Variants in RBFOX1 observed in about 807,000 individuals in gnomAD.
RBFOX1 encodes the protein RNA binding protein fox-1 homolog 1.
RBFOX1 carries 8 observed loss-of-function variants against 57.7 expected under a neutral mutation model. That is an observed-to-expected ratio of 0.14 (90% CI 0.08 to 0.25). The LOEUF (loss-of-function observed/expected upper bound fraction) is 0.25, where lower values mean the gene tolerates loss of function less well. Among genes scored for constraint, RBFOX1 ranks in the 10% least tolerant of loss-of-function variants. The pLI is 1.00. For missense variants in RBFOX1, 611 were observed against 548.5 expected (o/e 1.11, Z -1.14); for synonymous variants, 326 against 222.4 (o/e 1.47, Z -4.15).
At chr16:6,035,330 G>A (rs879450037) in intron 1 of RBFOX1, among the ~76,000 whole-genome samples, 8 of 152,206 alleles carry the variant, frequency 5.3e-5, no homozygotes, top group Non-Finnish European at 1.2e-4. Flanking sequence ...CACTCATTTA[G>A]TTCTTCCCCA....
intron 3 of RBFOX1, among the ~76,000 whole-genome samples, chr16:7,033,848 G>T (rs988112504): frequency 3.3e-5 from 5 of 151,930 alleles, no homozygotes; most frequent in Non-Finnish European, 7.4e-5. Flanking sequence ...ATCTGCCTGT[G>T]GGCCCAGCTA....
intron 1 of RBFOX1, among the ~76,000 whole-genome samples, chr16:6,026,543 G>A (rs934147486): frequency 6.6e-6 from 1 of 152,218 alleles, no homozygotes; most frequent in East Asian, 1.9e-4. Flanking sequence ...TACAAGGGAG[G>A]GTGGGAGGCA....
At chr16:5,616,966 A>G (rs2048046343) in intron 3 of RBFOX1, among the ~76,000 whole-genome samples, 2 of 145,002 alleles carry the variant, frequency 1.4e-5, no homozygotes, top group South Asian at 4.3e-4. Flanking sequence ...TATTGGCAGT[A>G]CCCTTATTTG....
chr16:6,230,330 A>G (rs1381521780), intron 1 of RBFOX1, among the ~76,000 whole-genome samples: 2 of 152,162 alleles, frequency 1.3e-5, no homozygotes, highest in South Asian at 2.1e-4. Flanking sequence ...CAATGTTGTT[A>G]TAATTATAAG....
At chr16:7,294,169 C>G (rs1207878281) in intron 4 of RBFOX1, among the ~76,000 whole-genome samples, 1 of 152,044 alleles carries the variant, frequency 6.6e-6, no homozygotes, top group Non-Finnish European at 1.5e-5. Context: ...CAAAGTAGAC[C>G]TTCCCACCCA....
At chr16:7,241,317 C>G (rs1449835584) in intron 4 of RBFOX1, among the ~76,000 whole-genome samples, 1 of 152,028 alleles carries the variant, frequency 6.6e-6, no homozygotes, top group Admixed American at 6.6e-5. Flanking sequence ...GGGTGTGGCC[C>G]AAGCAGGAAG....
intron 1 of RBFOX1, among the ~76,000 whole-genome samples, chr16:5,307,264 C>G (rs2063962400): frequency 6.6e-6 from 1 of 152,164 alleles, no homozygotes; most frequent in African/African-American, 2.4e-5. Flanking sequence ...GTGCTCACAC[C>G]AGGAGACTTT....
intron 2 of RBFOX1, among the ~76,000 whole-genome samples, chr16:6,383,161 G>T (rs906327943): frequency 6.6e-6 from 1 of 152,226 alleles, no homozygotes; most frequent in Admixed American, 6.5e-5. Flanking sequence ...CAACATTTTG[G>T]TAAATCTTCC....
At position 5,760,539 on chromosome 16, in the gene RBFOX1, C is replaced by T. The variant is rs553578174; in HGVS notation, c.319-106764C>T. On this transcript the variant is annotated intron_variant, in intron 3 of 19. Coordinates refer to the RBFOX1 transcript ENST00000641259. ...TCAACAGAGGAGAAGATAAACAAAT[C>T]GTGGTGTATCCATACCACAGAACAC... Among the ~76,000 whole-genome samples, 6 of 152,146 alleles carry T rather than the reference C, an allele frequency of 3.9e-5. No homozygotes were observed. The South Asian group carries it at 1.0e-3, about 26-fold the overall frequency.
At chr16:7,534,827 C>G (rs2152413784) in intron 5 of RBFOX1, among the ~76,000 whole-genome samples, 1 of 152,228 alleles carries the variant, frequency 6.6e-6, no homozygotes, top group East Asian at 1.9e-4. Flanking sequence ...CTGGGCTGCT[C>G]AAACGTCTTG....
At chr16:6,630,735 G>C (rs9944366) in intron 2 of RBFOX1, among the ~76,000 whole-genome samples, 39,450 of 151,960 alleles carry the variant, frequency 0.26, 5,411 homozygotes, top group African/African-American at 0.34. Context: ...ATTTAAGCTG[G>C]AATTTATGAT....
chr16:6,028,509 T>TAAAAAAAA (rs36218292), intron 1 of RBFOX1, among the ~76,000 whole-genome samples: 17 of 104,518 alleles, frequency 1.6e-4, no homozygotes, highest in African/African-American at 5.9e-4. Flanking sequence ...CTGTCTCTGT[T>TAAAAAAAA]AAAAAAAAAA....
intron 3 of RBFOX1, among the ~76,000 whole-genome samples, chr16:5,685,059 C>G (rs2050463700): frequency 6.6e-6 from 1 of 152,028 alleles, no homozygotes; most frequent in African/African-American, 2.4e-5. Flanking sequence ...GATTCTCTTC[C>G]CAGCTGAGAT....
rs2092083968 is a variant in RBFOX1 at position 6,826,008 on chromosome 16, G to C, written c.-16+171358G>C. Among the ~76,000 whole-genome samples, 3 of 152,108 alleles carry C rather than the reference G, an allele frequency of 2.0e-5. No individual in the cohort carries two copies. The South Asian group carries it at 6.2e-4, about 32-fold the overall frequency. On this transcript the variant is annotated intron_variant, in intron 3 of 15. Transcript: ENST00000550418. ...AATGTTGAACCTTCTTTACATTTTGGGTAGGCCGACCACATCGTGGTGATG... is the reference window on the plus strand; with the variant it reads ...AATGTTGAACCTTCTTTACATTTTGCGTAGGCCGACCACATCGTGGTGATG...
At chr16:6,527,271 A>G (rs1436387589) in intron 2 of RBFOX1, among the ~76,000 whole-genome samples, 3 of 152,020 alleles carry the variant, frequency 2.0e-5, no homozygotes, top group African/African-American at 4.8e-5. Context: ...TATTTTTTGT[A>G]TTGTCTGTAT....
chr16:6,284,140 A>G (rs1241516966), intron 1 of RBFOX1, among the ~76,000 whole-genome samples: 3 of 152,196 alleles, frequency 2.0e-5, no homozygotes, highest in Non-Finnish European at 2.9e-5. Context: ...GTAGATGGTA[A>G]TCACTTTGCC....
chr16:5,581,367 C>A (rs1205956738), intron 2 of RBFOX1, among the ~76,000 whole-genome samples: 1 of 152,192 alleles, frequency 6.6e-6, no homozygotes, highest in Non-Finnish European at 1.5e-5. Context: ...ATTAAACACT[C>A]TTTTGTCCAA....
intron 1 of RBFOX1, among the ~76,000 whole-genome samples, chr16:5,430,799 C>T (rs1456185246): frequency 1.3e-5 from 2 of 152,204 alleles, no homozygotes; most frequent in African/African-American, 2.4e-5. Flanking sequence ...AAGTATTTTG[C>T]AATAGTCTTT....
chr16:7,587,396 G>T, intron 7 of RBFOX1, 96 bp downstream of exon 7: 1 of 1,234,508 alleles, frequency 8.1e-7, no homozygotes, highest in Non-Finnish European at 1.1e-6. Context: ...TCAGCTCATT[G>T]TGAAAATACA....
Sources: gnomAD v4.1 joint callset for allele counts (sites outside exome capture counted in the v4.1 genomes callset) on GRCh38, gnomAD v4.1.1 for gene constraint, MANE v1.5 for transcripts, NCBI Gene and HGNC (gene_info 2026-07-23, HGNC 2026-07-21) for gene names.